Variants in MED4 observed in about 807,000 individuals in gnomAD.
The protein encoded by MED4 is mediator of RNA polymerase II transcription subunit 4.
Under a neutral mutation model 35.0 loss-of-function variants are expected in MED4, and 21 were observed. The observed-to-expected ratio is 0.60, with a 90% CI of 0.43 to 0.86. MED4 has a LOEUF of 0.86. Among genes scored for constraint, MED4 ranks in the 40% least tolerant of loss-of-function variants. The pLI is 0.00. For missense variants in MED4, 300 were observed against 319.4 expected, an observed-to-expected ratio of 0.94 and a Z score of 0.46; for synonymous variants, 138 against 114.0, an observed-to-expected ratio of 1.21 and a Z score of -1.34.
At chr13:48,092,568 TC>T (rs765061405) in intron 1 of MED4, among the ~76,000 whole-genome samples, 9 of 152,188 alleles carry the variant, frequency 5.9e-5, no homozygotes, top group Non-Finnish European at 1.2e-4. Context: ...TCTGTAGTGT[TC>T]CAGGCAAAAA....
intron 6 of MED4, among the ~76,000 whole-genome samples, chr13:48,078,547 T>C (rs1228195838): frequency 6.6e-6 from 1 of 152,142 alleles, no homozygotes; most frequent in Non-Finnish European, 1.5e-5. Flanking sequence ...AGTGGGTAAT[T>C]TCCTGCTTGC....
intron 4 of MED4, among the ~76,000 whole-genome samples, chr13:48,082,403 T>G (rs1291742574): frequency 1.3e-5 from 2 of 152,132 alleles, no homozygotes; most frequent in Non-Finnish European, 2.9e-5. Context: ...TGTAACAAAG[T>G]GTATGTGTGT....
chr13:48,082,780 T>G (rs1593544050), intron 4 of MED4, among the ~76,000 whole-genome samples: 1 of 150,508 alleles, frequency 6.6e-6, no homozygotes, highest in Non-Finnish European at 1.5e-5. Context: ...TGCGCCGAGA[T>G]CGCGCCACTG....
Position 48,077,066 on chromosome 13 carries a change from T to C in MED4, c.*73A>G. 7.5e-7 allele frequency: 1 copy of C among 1,339,320 alleles called. No individual in the cohort carries two copies. Among genetic ancestry groups the C allele is most frequent in the South Asian group, 1.5e-5 (1 of 67,192 alleles). The allele number at this position is 1,339,320 out of a possible 1,614,324, so 83.0% of individuals were successfully genotyped here. A position where few individuals can be genotyped will look rare whatever the true frequency, so the allele number is the denominator to read the frequency against. ...TGGGTATTTTTTGTCACCTGTAGTT[T>C]ACATTTCCCTGCTACTGTTAAAGAA... On this transcript the variant is annotated 3_prime_UTR_variant, in exon 7 of 7. Coordinates refer to ENST00000258648, the MANE Select transcript of MED4 (RefSeq NM_014166.4).
chr13:48,090,372 G>A lies in MED4; in HGVS notation c.172C>T (p.Gln58Ter), dbSNP rs918872767. 3.1e-6 allele frequency: 5 copies of A among 1,592,462 alleles called. No individual in the cohort carries two copies. The highest frequency in any genetic ancestry group is 4.3e-6 in the Non-Finnish European group (5 of 1,172,244). ...CTTACCTGGTTTTCCTCTCCAGCCT[G>A]TAACAACTTTTGGTTTCTTGAAATT... ...LAISRNQKLL[Q>*]AGEENQVLEL... is the part of the protein sequence containing the mutation. Residue 58 changes from glutamine to a stop codon, truncating the protein, a stop_gained, in exon 2 of 7, where the codon CAG (glutamine) becomes TAG (stop). Coordinates refer to ENST00000258648, the MANE Select transcript of MED4 (RefSeq NM_014166.4). LOFTEE classifies it high-confidence loss of function.
intron 2 of MED4, 96 bp from the exon 3 acceptor site, chr13:48,086,548 A>T: frequency 9.5e-7 from 1 of 1,051,524 alleles, no homozygotes; most frequent in Non-Finnish European, 1.4e-6. Context: ...CTAGGCTATA[A>T]ATTTCAACAC....
At chr13:48,080,290 G>C (rs1002096498) in intron 5 of MED4, among the ~76,000 whole-genome samples, 1 of 151,254 alleles carries the variant, frequency 6.6e-6, no homozygotes, top group Admixed American at 6.6e-5. Context: ...CCAGCTACTC[G>C]GGAGGCTGAG....
At chr13:48,083,556 A>G in intron 3 of MED4, 128 bp from the exon 4 acceptor site, 1 of 632,278 alleles carries the variant, frequency 1.6e-6, no homozygotes, top group East Asian at 2.9e-5. Context: ...CCAACAATTT[A>G]TTTGTAATGT....
intron 1 of MED4, chr13:48,093,562 A>G (rs995338942): frequency 7.0e-6 from 3 of 430,150 alleles, no homozygotes; most frequent in Non-Finnish European, 1.5e-5. Context: ...GAGTGAACAC[A>G]TGAGACCTTT....
intron 6 of MED4, 146 bp downstream of exon 6, chr13:48,079,697 TG>T: frequency 1.1e-6 from 1 of 893,562 alleles, no homozygotes; most frequent in Middle Eastern, 3.3e-4. Context: ...CGCTCCAGCC[TG>T]GGTGACATAA....
At chr13:48,091,468 T>C (rs1200491052) in intron 1 of MED4, among the ~76,000 whole-genome samples, 1 of 152,254 alleles carries the variant, frequency 6.6e-6, no homozygotes, top group Non-Finnish European at 1.5e-5. Flanking sequence ...AGGCTATTTT[T>C]ACCTTCAAAT....
In MED4 at chr13:48,080,028, T is replaced by C. The variant is rs932204173; in HGVS notation, c.509-53A>G. On this transcript the variant is annotated intron_variant, in intron 5 of 6. Transcript: ENST00000258648. ...CAATCATATTTTAAAAAATAAGTGT[T>C]AATATGTTATTTGACATACTCATTT... is the stretch of plus-strand genomic sequence containing the variant. 1.9e-6 allele frequency: 3 copies of C among 1,576,098 alleles called. No individual in the cohort carries two copies. In the African/African-American group the frequency reaches 4.1e-5, roughly 21 times the overall value.
intron 4 of MED4, 77 bp from the exon 5 acceptor site, chr13:48,081,808 A>G: frequency 1.3e-6 from 1 of 796,080 alleles, no homozygotes; most frequent in Non-Finnish European, 1.9e-6. Context: ...TATCAGTTAC[A>G]CATCGTATTT....
chr13:48,082,842 G>T (rs901745083), intron 4 of MED4, among the ~76,000 whole-genome samples: 3 of 150,764 alleles, frequency 2.0e-5, no homozygotes, highest in East Asian at 1.9e-4. Flanking sequence ...AAAAAAAAAG[G>T]AGTATTAGCT....
chr13:48,090,327 A>C, intron 2 of MED4, 25 bp downstream of exon 2: 1 of 1,519,356 alleles, frequency 6.6e-7, no homozygotes, highest in Non-Finnish European at 8.8e-7. Context: ...AGAGAAATTA[A>C]CTAATTTAAA....
At chr13:48,087,069 T>C (rs796277430) in intron 2 of MED4, among the ~76,000 whole-genome samples, 9 of 151,470 alleles carry the variant, frequency 5.9e-5, no homozygotes, top group African/African-American at 2.2e-4. Flanking sequence ...AGTTTATCCT[T>C]AAAAATACAA....
intron 6 of MED4, among the ~76,000 whole-genome samples, chr13:48,079,109 A>C (rs1261476107): frequency 2.0e-5 from 3 of 152,160 alleles, no homozygotes; most frequent in Non-Finnish European, 4.4e-5. Context: ...CTTGAGGAAA[A>C]CTGAAGCTCA....
chr13:48,083,753 C>T (rs767255544), intron 3 of MED4, among the ~76,000 whole-genome samples: 12 of 152,186 alleles, frequency 7.9e-5, no homozygotes, highest in Non-Finnish European at 1.8e-4. Flanking sequence ...CCAAAAGCAT[C>T]CTATTCTTGC....
intron 1 of MED4, among the ~76,000 whole-genome samples, chr13:48,094,508 G>A (rs1217492886): frequency 2.0e-5 from 3 of 152,080 alleles, no homozygotes; most frequent in South Asian, 2.1e-4. Flanking sequence ...TTTCTTCAGA[G>A]GGCCTGCCCT....
Sources: allele counts gnomAD v4.1 joint callset (sites outside exome capture counted in the v4.1 genomes callset), GRCh38; gene constraint gnomAD v4.1.1; transcripts MANE v1.5; gene names NCBI Gene and HGNC (gene_info 2026-07-23, HGNC 2026-07-21).